Variants in EFHD1 observed in about 807,000 individuals in gnomAD.
EFHD1 encodes EF-hand domain family member D1, also known as EF-hand domain-containing protein D1.
A neutral mutation model predicts 17.2 loss-of-function variants in EFHD1; 10 were observed. That is an observed-to-expected ratio of 0.58 (90% CI 0.36 to 0.99). The LOEUF (loss-of-function observed/expected upper bound fraction) is 0.99. EFHD1 is among the 50% of genes least tolerant of loss of function. The pLI, the probability that EFHD1 is intolerant of heterozygous loss-of-function variation, is 0.01. For synonymous variants in EFHD1, 153 were observed against 142.0 expected (o/e 1.08, Z -0.55); for missense variants, 310 against 327.5 (o/e 0.95, Z 0.41).
chr2:232,651,434 C>A (rs1486921864), intron 1 of EFHD1, among the ~76,000 whole-genome samples: 1 of 152,138 alleles, frequency 6.6e-6, no homozygotes, highest in Non-Finnish European at 1.5e-5. Context: ...CATCTGTTTG[C>A]AGGTAGCCTT....
chr2:232,666,215 G>A (rs1694964421), intron 2 of EFHD1, among the ~76,000 whole-genome samples: 1 of 152,224 alleles, frequency 6.6e-6, no homozygotes, highest in Admixed American at 6.5e-5. Context: ...ATCTCATCCA[G>A]CTTTGCATGC....
At chr2:232,650,308 T>C (rs1249170419) in intron 1 of EFHD1, among the ~76,000 whole-genome samples, 2 of 150,900 alleles carry the variant, frequency 1.3e-5, no homozygotes, top group East Asian at 1.9e-4. Flanking sequence ...TTTTTTTTTT[T>C]TTTAAGAAGG....
chr2:232,663,594 T>C (rs533870529), intron 2 of EFHD1, among the ~76,000 whole-genome samples: 58 of 152,232 alleles, frequency 3.8e-4, no homozygotes, highest in African/African-American at 1.3e-3. Context: ...CTCAAACTCC[T>C]GGCTTCAAGT....
intron 1 of EFHD1, among the ~76,000 whole-genome samples, chr2:232,639,815 C>T (rs563521137): frequency 9.2e-5 from 14 of 152,252 alleles, no homozygotes; most frequent in African/African-American, 2.4e-4. Context: ...GGTTGGCACA[C>T]GTTTGTCTTT....
intron 1 of EFHD1, among the ~76,000 whole-genome samples, chr2:232,619,159 A>G: frequency 3.4e-5 from 1 of 29,754 alleles, no homozygotes; most frequent in Non-Finnish European, 6.8e-5. Context: ...ATCTCAAAAT[A>G]TAAATAAATA....
intron 1 of EFHD1, among the ~76,000 whole-genome samples, chr2:232,661,495 C>G (rs1694866337): frequency 6.6e-6 from 1 of 151,774 alleles, no homozygotes; most frequent in Non-Finnish European, 1.5e-5. Context: ...TTTTTATTGC[C>G]AAATAATATT....
upstream of EFHD1, among the ~76,000 whole-genome samples, chr2:232,633,022 GCT>G (rs958285429): frequency 1.3e-5 from 2 of 152,238 alleles, no homozygotes; most frequent in African/African-American, 2.4e-5. Flanking sequence ...CTGCTCGTTT[GCT>G]CTCTCTCTTT....
intron 1 of EFHD1, among the ~76,000 whole-genome samples, chr2:232,647,379 C>T (rs1453098178): frequency 6.6e-6 from 1 of 152,236 alleles, no homozygotes; most frequent in Non-Finnish European, 1.5e-5. Flanking sequence ...GGCTGGCTGC[C>T]CTGGCCTGCT....
At chr2:232,635,023 C>T (rs1440957711) in intron 1 of EFHD1, among the ~76,000 whole-genome samples, 5 of 106,266 alleles carry the variant, frequency 4.7e-5, no homozygotes, top group Non-Finnish European at 1.3e-4. Flanking sequence ...CTCCGCTGCC[C>T]CTGCATGGAG....
chr2:232,621,381 C>T (rs1487131574), intron 1 of EFHD1, among the ~76,000 whole-genome samples: 1 of 152,210 alleles, frequency 6.6e-6, no homozygotes, highest in East Asian at 1.9e-4. Flanking sequence ...TACTGAACAG[C>T]TAAGTGCTTT....
intron 1 of EFHD1, among the ~76,000 whole-genome samples, chr2:232,641,849 C>G (rs570908858): frequency 6.6e-6 from 1 of 152,286 alleles, no homozygotes; most frequent in South Asian, 2.1e-4. Context: ...GGTGTCCCCC[C>G]AGTTGGGTAG....
chr2:232,638,037 G>A (rs1253027021), intron 1 of EFHD1: 1 of 207,010 alleles, frequency 4.8e-6, no homozygotes, highest in East Asian at 1.1e-4. Flanking sequence ...CATCAGCCCG[G>A]CCAGAGAAAG....
chr2:232,633,941 C>T lies in EFHD1; in HGVS notation c.237C>T (p.Asn79=), dbSNP rs376919606. ...GGCCCCGGCGCTGCAGGGTCTTCAA[C>T]CCCTACACGGAGTTCCCGGAGTTCA... ...AARPRRCRVF[N]PYTEFPEFSR... The change falls in exon 1 of 4, where the codon AAC becomes AAT. Residue 79 remains asparagine, a synonymous_variant. Coordinates refer to ENST00000264059, the MANE Select transcript of EFHD1 (RefSeq NM_025202.4). 11 of 1,597,422 alleles carry T rather than the reference C, an allele frequency of 6.9e-6. No individual in the cohort carries two copies. Among genetic ancestry groups the T allele is most frequent in the African/African-American group, 6.7e-5 (5 of 74,940 alleles).
At chr2:232,658,810 G>A (rs992842963) in intron 1 of EFHD1, among the ~76,000 whole-genome samples, 7 of 152,102 alleles carry the variant, frequency 4.6e-5, no homozygotes, top group Admixed American at 3.9e-4. Context: ...TGAGGCAAAC[G>A]TTCTGGAATT....
At chr2:232,660,217 C>T (rs1490657799) in intron 1 of EFHD1, among the ~76,000 whole-genome samples, 11 of 149,364 alleles carry the variant, frequency 7.4e-5, no homozygotes, top group South Asian at 2.1e-4. Context: ...TTTTTTGAGG[C>T]GGAATCTTGC....
chr2:232,666,535 C>T (rs1218534958), intron 2 of EFHD1, among the ~76,000 whole-genome samples: 4 of 152,200 alleles, frequency 2.6e-5, no homozygotes, highest in African/African-American at 9.7e-5. Context: ...GCCTTCTGCC[C>T]TGTTGTACTC....
At chr2:232,664,416 C>T (rs560370661) in intron 2 of EFHD1, among the ~76,000 whole-genome samples, 1 of 151,602 alleles carries the variant, frequency 6.6e-6, no homozygotes, top group East Asian at 2.0e-4. Flanking sequence ...TGCCTAGCTA[C>T]TTTTTATTTT....
At chr2:232,670,389 C>T (rs955845768) in intron 2 of EFHD1, among the ~76,000 whole-genome samples, 10 of 151,572 alleles carry the variant, frequency 6.6e-5, no homozygotes, top group African/African-American at 2.4e-4. Flanking sequence ...TGCAGTGAGC[C>T]GAGATCGAGC....
At chr2:232,621,057 G>T (rs1453530391) in intron 1 of EFHD1, among the ~76,000 whole-genome samples, 1 of 152,162 alleles carries the variant, frequency 6.6e-6, no homozygotes, top group Admixed American at 6.5e-5. Context: ...AGTTGCTAAG[G>T]CCAAGGTTTT....
Sources: gnomAD v4.1 joint callset for allele counts (sites outside exome capture counted in the v4.1 genomes callset) on GRCh38, gnomAD v4.1.1 for gene constraint, MANE v1.5 for transcripts, NCBI Gene and HGNC (gene_info 2026-07-23, HGNC 2026-07-21) for gene names.